Variants in GNB5 observed in about 807,000 individuals in gnomAD.
The protein encoded by GNB5 is G protein subunit beta 5, also known as guanine nucleotide-binding protein subunit beta-5.
GNB5 carries 37 observed loss-of-function variants against 55.3 expected under a neutral mutation model. The ratio of observed to expected loss-of-function variants is 0.67; its 90% CI spans 0.51 to 0.88. The LOEUF (loss-of-function observed/expected upper bound fraction) is 0.88, where lower values mean the gene tolerates loss of function less well. GNB5 is among the 40% of genes least tolerant of loss of function. GNB5 has a pLI of 0.00. For synonymous variants in GNB5, 219 were observed against 198.5 expected, an observed-to-expected ratio of 1.10 and a Z score of -0.87; for missense variants, 476 against 515.3, an observed-to-expected ratio of 0.92 and a Z score of 0.74.
chr15:52,169,093 G>A (rs2034504391), intron 3 of GNB5, among the ~76,000 whole-genome samples: 1 of 152,224 alleles, frequency 6.6e-6, no homozygotes, highest in Non-Finnish European at 1.5e-5. Flanking sequence ...GGAGGCCAGT[G>A]TGGACGAATC....
At chr15:52,152,618 C>G (rs2034123099) in intron 4 of GNB5, among the ~76,000 whole-genome samples, 2 of 148,862 alleles carry the variant, frequency 1.3e-5, no homozygotes, top group South Asian at 4.3e-4. Context: ...AGCCACCATG[C>G]CTGGCTGAAT....
chr15:52,130,081 A>G (rs1427448065), intron 9 of GNB5, among the ~76,000 whole-genome samples: 1 of 152,208 alleles, frequency 6.6e-6, no homozygotes, highest in East Asian at 1.9e-4. Flanking sequence ...GTGGTAGGCC[A>G]GTGGGGGCAG....
At chr15:52,137,606 G>C in intron 7 of GNB5, 3 of 1,120,092 alleles carry the variant, frequency 2.7e-6, no homozygotes, top group Non-Finnish European at 3.3e-6. Flanking sequence ...AAGGCACACA[G>C]GGGTGCCCAG....
At position 52,189,851 on chromosome 15, in the gene GNB5, G is replaced by A. The variant is rs370800086; in HGVS notation, c.-19+1471C>T. Among the ~76,000 whole-genome samples the A allele has an allele frequency of 5.3e-5, 8 of 152,270 alleles. No homozygotes were observed. The East Asian group carries it at 9.7e-4, about 18-fold the overall frequency. Reference sequence around the variant, plus strand: ...ATTGTATGATTTATTTATATGAAGTGTACAGGATCAGCAAATCCATAGAGA... The same window carrying A: ...ATTGTATGATTTATTTATATGAAGTATACAGGATCAGCAAATCCATAGAGA... On this transcript the variant is annotated intron_variant, in intron 1 of 12. Transcript: ENST00000261837.
At chr15:52,155,827 C>A (rs1486949362) in intron 3 of GNB5, among the ~76,000 whole-genome samples, 1 of 152,186 alleles carries the variant, frequency 6.6e-6, no homozygotes, top group African/African-American at 2.4e-5. Context: ...CGGGGATCAT[C>A]TGGTTAAGGG....
chr15:52,143,498 C>T (rs976429364), intron 6 of GNB5, among the ~76,000 whole-genome samples: 4 of 152,126 alleles, frequency 2.6e-5, no homozygotes, highest in Non-Finnish European at 4.4e-5. Flanking sequence ...TGTACAATAC[C>T]TGAATGAAAG....
chr15:52,181,999 G>A (rs1315472619), intron 2 of GNB5, among the ~76,000 whole-genome samples: 1 of 152,218 alleles, frequency 6.6e-6, no homozygotes, highest in Non-Finnish European at 1.5e-5. Flanking sequence ...TTGAGAGTTT[G>A]TAAAGCAAAA....
chr15:52,156,684 C>T (rs1228586036), intron 3 of GNB5, among the ~76,000 whole-genome samples: 3 of 152,042 alleles, frequency 2.0e-5, no homozygotes, highest in Non-Finnish European at 2.9e-5. Flanking sequence ...GGGCAGAGGT[C>T]GCAGTGAGCT....
At chr15:52,124,068 TG>T (rs1260693132) in intron 12 of GNB5, among the ~76,000 whole-genome samples, 2 of 150,492 alleles carry the variant, frequency 1.3e-5, no homozygotes, top group African/African-American at 2.5e-5. Context: ...CACAGCCTCC[TG>T]GATTTGTGAC....
intron 3 of GNB5, among the ~76,000 whole-genome samples, chr15:52,170,297 G>C (rs1442493047): frequency 2.0e-5 from 3 of 152,146 alleles, no homozygotes; most frequent in African/African-American, 7.2e-5. Context: ...CAATATCAAA[G>C]ATGTGAAATG....
chr15:52,191,389 G>T lies in GNB5; in HGVS notation c.-86C>A, dbSNP rs1392425612. 1 of 152,326 alleles carries T rather than the reference G, an allele frequency of 6.6e-6. No homozygotes were observed. 9.4% of individuals were successfully genotyped at this position (152,326 alleles called of 1,614,324 possible). On this transcript the variant is annotated 5_prime_UTR_variant, in exon 1 of 13. Coordinates refer to ENST00000261837, the MANE Select transcript of GNB5 (RefSeq NM_016194.4). The stretch of plus-strand genomic sequence containing the variant: ...GGTGAGGACCAGCGCGCAGCTTGAG[G>T]TGTGAAGCACGTCTCCCACTGGCTA...
At chr15:52,155,817 C>A (rs774021312) in intron 3 of GNB5, among the ~76,000 whole-genome samples, 4 of 152,166 alleles carry the variant, frequency 2.6e-5, no homozygotes, top group African/African-American at 7.2e-5. Context: ...GTGGGGTCAC[C>A]GGGGATCATC....
At chr15:52,175,687 TGA>T (rs2034636103) in intron 3 of GNB5, among the ~76,000 whole-genome samples, 1 of 151,686 alleles carries the variant, frequency 6.6e-6, no homozygotes, top group African/African-American at 2.4e-5. Flanking sequence ...TACAGTGAGC[TGA>T]GATTGTGCCA....
chr15:52,136,325 C>G (rs2033721494), intron 7 of GNB5, among the ~76,000 whole-genome samples: 1 of 152,198 alleles, frequency 6.6e-6, no homozygotes. Flanking sequence ...GTGGTACCTA[C>G]AGGGCTCTAC....
intron 3 of GNB5, among the ~76,000 whole-genome samples, chr15:52,161,547 C>T (rs1260425937): frequency 6.6e-6 from 1 of 152,184 alleles, no homozygotes; most frequent in African/African-American, 2.4e-5. Flanking sequence ...GTGGTCCACC[C>T]ACCTCAGCCT....
intron 6 of GNB5, 45 bp from the exon 7 acceptor site, chr15:52,141,317 A>C (rs1437272080): frequency 6.4e-7 from 1 of 1,553,638 alleles, no homozygotes; most frequent in Admixed American, 1.7e-5. Flanking sequence ...GCAGAGTCAC[A>C]GAATATGTGT....
Position 52,122,735 on chromosome 15 carries a change from T to C in GNB5, c.*22A>G. ...AAGATTTCAAATTCTCAGGTATACA[T>C]GAGTGCACTGTCAGAAGATGATTAG... On this transcript the variant is annotated 3_prime_UTR_variant, in exon 13 of 13. Coordinates refer to ENST00000261837, the MANE Select transcript of GNB5 (RefSeq NM_016194.4). The C allele has an allele frequency of 1.3e-6, 2 of 1,569,382 alleles. No homozygotes were observed. Among genetic ancestry groups the C allele is most frequent in the South Asian group, 1.1e-5 (1 of 90,234 alleles).
chr15:52,186,489 A>G (rs558376936), intron 1 of GNB5, among the ~76,000 whole-genome samples: 1 of 152,172 alleles, frequency 6.6e-6, no homozygotes, highest in East Asian at 1.9e-4. Context: ...TGGCATGTGG[A>G]GTTGAGGAGA....
At chr15:52,152,655 G>A (rs1212644424) in intron 4 of GNB5, among the ~76,000 whole-genome samples, 2 of 134,008 alleles carry the variant, frequency 1.5e-5, no homozygotes, top group African/African-American at 5.6e-5. Context: ...TTTTGAGACA[G>A]GGTCTCACTG....
Sources: allele counts gnomAD v4.1 joint callset (sites outside exome capture counted in the v4.1 genomes callset), GRCh38; gene constraint gnomAD v4.1.1; transcripts MANE v1.5; gene names NCBI Gene and HGNC (gene_info 2026-07-23, HGNC 2026-07-21).